The following AMY2B variants were observed in gnomAD, a reference collection of about 807,000 sequenced individuals.
The protein encoded by AMY2B is amylase alpha 2B.
Under a neutral mutation model 59.3 loss-of-function variants are expected in AMY2B, and 63 were observed. That is an observed-to-expected ratio of 1.06 (90% CI 0.87 to 1.31). The LOEUF (loss-of-function observed/expected upper bound fraction) is 1.31. Among genes scored for constraint, AMY2B ranks in the 50% most tolerant of loss-of-function variants. The pLI is 0.00. For synonymous variants in AMY2B, 180 were observed against 198.1 expected, an observed-to-expected ratio of 0.91 and a Z score of 0.77; for missense variants, 635 against 626.7, an observed-to-expected ratio of 1.01 and a Z score of -0.14.
upstream of AMY2B, chr1:103,570,388 A>C (rs916323208): frequency 2.3e-6 from 2 of 866,354 alleles, no homozygotes; most frequent in Non-Finnish European, 3.8e-6. Context: ...ACCATCTTCA[A>C]CTCCATCATG....
chr1:103,577,408 G>T, intron 7 of AMY2B, 82 bp from the exon 8 acceptor site: 2 of 1,606,598 alleles, frequency 1.2e-6, no homozygotes, highest in Non-Finnish European at 1.7e-6. Context: ...ACAAGTAACA[G>T]GATAGGTTGG....
chr1:103,556,155 C>T (rs1465049770), intron 1 of AMY2B, among the ~76,000 whole-genome samples: 1 of 151,998 alleles, frequency 6.6e-6, no homozygotes, highest in South Asian at 2.1e-4. Context: ...AATGGGTATC[C>T]AGGAATGTAG....
upstream of AMY2B, chr1:103,569,489 C>T (rs557161193): frequency 7.8e-5 from 18 of 231,214 alleles, no homozygotes; most frequent in East Asian, 7.6e-4. Context: ...AAACCAGTCA[C>T]CTCTGCCAGC....
chr1:103,573,707 G>C lies in AMY2B; in HGVS notation c.514-1G>C. On this transcript the variant is annotated splice_acceptor_variant, in intron 3 of 9. Coordinates refer to ENST00000684275, the MANE Select transcript of AMY2B (RefSeq NM_001387437.1). LOFTEE classifies it high-confidence loss of function. Reference sequence around the variant, plus strand: ...CAATCATAACATTTTTACCTCAACAGGTCAGAGATTGTCGTCTGGTTGGTC... The same window carrying C: ...CAATCATAACATTTTTACCTCAACACGTCAGAGATTGTCGTCTGGTTGGTC... The C allele has an allele frequency of 6.2e-7, 1 of 1,613,606 alleles. No homozygotes were observed. The highest frequency in any genetic ancestry group is 1.1e-5 in the South Asian group (1 of 91,060).
At chr1:103,570,105 G>A, upstream of AMY2B, 2 of 438,944 alleles carry the variant, frequency 4.6e-6, no homozygotes, top group Admixed American at 5.6e-5. Context: ...GCCAGGACCT[G>A]ACCAACTACC....
chr1:103,576,517 C>T (rs1203667992), intron 7 of AMY2B, among the ~76,000 whole-genome samples: 1 of 152,078 alleles, frequency 6.6e-6, no homozygotes, highest in East Asian at 1.9e-4. Context: ...TAGTTTTGTT[C>T]ACTTTTCACC....
chr1:103,569,943 C>T (rs1188328582), upstream of AMY2B: 5 of 468,514 alleles, frequency 1.1e-5, no homozygotes, highest in African/African-American at 1.0e-4. Context: ...AACACCCTGG[C>T]CATGTACGTG....
In AMY2B at chr1:103,575,761, C is replaced by A. The variant is rs1392847126; in HGVS notation, c.1101+221C>A. The A allele has an allele frequency of 6.5e-6, 4 of 613,918 alleles. No individual in the cohort carries two copies. The East Asian group carries it at 1.1e-4, about 17-fold the overall frequency. The allele number at this position is 613,918 out of a possible 1,614,324, so 38.0% of individuals were successfully genotyped here. A position where few individuals can be genotyped will look rare whatever the true frequency, so the allele number is the denominator to read the frequency against. On this transcript the variant is annotated intron_variant, in intron 7 of 9. Transcript: ENST00000684275. ...GCCTTTTCAGACATATGATAAACATCCCCCTAGCCCACAGGAAAAAAAAAA... is the reference window on the plus strand; with the variant it reads ...GCCTTTTCAGACATATGATAAACATACCCCTAGCCCACAGGAAAAAAAAAA...
upstream of AMY2B, chr1:103,570,419 C>A: frequency 1.1e-6 from 1 of 875,718 alleles, no homozygotes; most frequent in Middle Eastern, 2.5e-4. Flanking sequence ...TGGACATCCG[C>A]AAAGACCTGT....
intron 5 of AMY2B, 82 bp downstream of exon 5, chr1:103,574,475 AT>A (rs1652266080): frequency 6.2e-7 from 1 of 1,600,306 alleles, no homozygotes; most frequent in African/African-American, 1.3e-5. Flanking sequence ...CTTCTGGAAC[AT>A]TCTTTTTCAG....
upstream of AMY2B, chr1:103,569,960 C>G (rs964525626): frequency 6.4e-6 from 3 of 465,118 alleles, no homozygotes; most frequent in Non-Finnish European, 1.3e-5. Flanking sequence ...CGTGGCCATC[C>G]AGGCTAGGCT....
Position 103,572,169 on chromosome 1 carries a change from A to T in AMY2B, c.228A>T (p.Arg76Ser), listed in dbSNP as rs1198523721. ...IHNPFRPWWE[R>S]YQPVSYKLCT... ...ACCCTTTCAGACCTTGGTGGGAAAG[A>T]TACCAACCAGTTAGCTATAAATTAT... The change falls in exon 2 of 10, where the codon AGA (arginine) becomes AGT (serine). Residue 76 changes from arginine (R) to serine (S), a missense_variant. Physicochemically the swap from Arg to Ser is moderately radical, Grantham distance 110 (BLOSUM62 -1). Transcript: ENST00000684275. 1.2e-6 allele frequency: 2 copies of T among 1,611,764 alleles called. No homozygotes were observed. The highest frequency in any genetic ancestry group is 1.1e-5 in the South Asian group (1 of 90,978).
rs761762278 is a variant in AMY2B, at chr1:103,575,481, T to C, written c.1042T>C (p.Tyr348His). Residue 348 changes from tyrosine to histidine, a missense_variant, in exon 7 of 10, where the codon TAT becomes CAT. Coordinates refer to ENST00000684275, the MANE Select transcript of AMY2B (RefSeq NM_001387437.1). The part of the protein sequence containing the change: ...MAVGFMLAHP[Y>H]GFTRVMSSYR... ...AGTTGGATTTATGCTTGCTCATCCT[T>C]ATGGTTTTACACGAGTAATGTCAAG... The C allele has an allele frequency of 2.2e-5, 35 of 1,613,658 alleles. No homozygotes were observed. Among genetic ancestry groups the C allele is most frequent in the Non-Finnish European group, 2.6e-5 (31 of 1,179,768 alleles).
At chr1:103,575,771 C>T (rs1652329249) in intron 7 of AMY2B, 2 of 536,734 alleles carry the variant, frequency 3.7e-6, no homozygotes, top group Admixed American at 4.1e-5. Flanking sequence ...CCCCCTAGCC[C>T]ACAGGAAAAA....
upstream of AMY2B, chr1:103,569,713 G>A (rs1190751491): frequency 5.0e-6 from 2 of 400,116 alleles, no homozygotes; most frequent in Admixed American, 5.9e-5. Flanking sequence ...CTCCTATGTG[G>A]GCTACATGGC....
chr1:103,574,757 A>G (rs1457526015), intron 5 of AMY2B, among the ~76,000 whole-genome samples: 1 of 151,660 alleles, frequency 6.6e-6, no homozygotes, highest in Non-Finnish European at 1.5e-5. Context: ...CATATATTAT[A>G]TGAATTAAAA....
intron 2 of AMY2B, 140 bp downstream of exon 2, chr1:103,572,396 C>A: frequency 7.0e-7 from 1 of 1,429,176 alleles, no homozygotes; most frequent in Non-Finnish European, 9.3e-7. Context: ...CAAAATTAAC[C>A]GTTGCCTTAT....
upstream of AMY2B, chr1:103,569,381 C>T: frequency 1.8e-5 from 3 of 168,102 alleles, no homozygotes; most frequent in Non-Finnish European, 2.4e-5. Flanking sequence ...ATTTACTGTC[C>T]TTATTTATGT....
In AMY2B at chr1:103,573,927, A is replaced by C; in HGVS notation, c.733A>C (p.Ile245Leu). The C allele has an allele frequency of 6.2e-7, 1 of 1,613,802 alleles. No homozygotes were observed. The highest frequency in any genetic ancestry group is 8.5e-7 in the Non-Finnish European group (1 of 1,179,746). ...GTTCCCTGCAGGAAGTAAACCTTTC[A>C]TTTACCAGGAGGTACATCAATACAT... ...NWFPAGSKPF[I>L]YQEVIDLGGE... The change falls in exon 4 of 10, where the codon ATT becomes CTT. Residue 245 changes from isoleucine (I) to leucine (L), a missense_variant. Coordinates refer to ENST00000684275, the MANE Select transcript of AMY2B (RefSeq NM_001387437.1).
Sources: allele counts gnomAD v4.1 joint callset (sites outside exome capture counted in the v4.1 genomes callset), GRCh38; gene constraint gnomAD v4.1.1; transcripts MANE v1.5; gene names NCBI Gene and HGNC (gene_info 2026-07-23, HGNC 2026-07-21).